The following DYRK1A variants were observed in gnomAD, a reference collection of about 807,000 sequenced individuals.
The protein encoded by DYRK1A is dual specificity tyrosine-phosphorylation-regulated kinase 1A.
DYRK1A carries 9 observed loss-of-function variants against 79.7 expected under a neutral mutation model. The ratio of observed to expected loss-of-function variants is 0.11; its 90% CI spans 0.07 to 0.20. The LOEUF (loss-of-function observed/expected upper bound fraction) is 0.20, where lower values mean the gene tolerates loss of function less well. Among genes scored for constraint, DYRK1A ranks in the 10% least tolerant of loss-of-function variants. The pLI, the probability that DYRK1A is intolerant of heterozygous loss-of-function variation, is 1.00. For synonymous variants in DYRK1A, 349 were observed against 329.7 expected (o/e 1.06, Z -0.63); for missense variants, 622 against 956.0 (o/e 0.65, Z 4.61).
intron 11 of DYRK1A, among the ~76,000 whole-genome samples, chr21:37,511,089 CATTTGAGAG>C (rs2053736536): frequency 6.6e-6 from 1 of 152,068 alleles, no homozygotes; most frequent in Admixed American, 6.5e-5. Context: ...TACACTGAGG[CATTTGAGAG>C]ATTTTGACCC....
intron 2 of DYRK1A, among the ~76,000 whole-genome samples, chr21:37,460,344 C>T (rs2148524630): frequency 6.6e-6 from 1 of 152,244 alleles, no homozygotes; most frequent in South Asian, 2.1e-4. Flanking sequence ...TAGAGAGCTT[C>T]TGCTGTTTTA....
chr21:37,437,746 C>CT (rs1481130470), intron 2 of DYRK1A, among the ~76,000 whole-genome samples: 1 of 152,158 alleles, frequency 6.6e-6, no homozygotes, highest in Non-Finnish European at 1.5e-5. Flanking sequence ...GGTTTATCCA[C>CT]TTACCTGTTG....
Position 37,490,166 on chromosome 21 carries a change from C to T in DYRK1A, c.638-9C>T. The T allele has an allele frequency of 1.2e-6, 2 of 1,606,972 alleles. No homozygotes were observed. The highest frequency in any genetic ancestry group is 1.7e-5 in the Admixed American group (1 of 59,168). On this transcript the variant is annotated splice_polypyrimidine_tract_variant and intron_variant, in intron 6 of 11. Coordinates refer to ENST00000647188, the MANE Select transcript of DYRK1A (RefSeq NM_001347721.2). ...ATATAATTTAAAATGAAACTGTTTT[C>T]TCTTTCAGTGCATTTGAAACGCCAC...
intron 4 of DYRK1A, among the ~76,000 whole-genome samples, chr21:37,479,049 C>T (rs952125766): frequency 9.2e-5 from 14 of 152,310 alleles, no homozygotes; most frequent in African/African-American, 3.4e-4. Flanking sequence ...TTTCTTTCCT[C>T]TTCTAGTGGG....
chr21:37,484,464 G>T (rs2052779095), intron 5 of DYRK1A, among the ~76,000 whole-genome samples: 1 of 151,874 alleles, frequency 6.6e-6, no homozygotes, highest in African/African-American at 2.4e-5. Flanking sequence ...GGGTAGCTGG[G>T]ATTGCAGGTG....
Position 37,468,180 on chromosome 21 carries a change from T to C in DYRK1A, c.11-4504T>C, listed in dbSNP as rs140071174. 9.4e-3 allele frequency among the ~76,000 whole-genome samples: 1,426 copies of C among 152,218 alleles called. 14 individuals carry two copies. Among genetic ancestry groups the C allele is most frequent in the South Asian group, 0.02 (95 of 4,812 alleles). On this transcript the variant is annotated intron_variant, in intron 2 of 11. Transcript: ENST00000647188. ...TGGAGCACATACAGTGGCACAATCA[T>C]AACTCACTGCAGCCTTGAAATCTTG...
intron 2 of DYRK1A, 32 bp downstream of exon 2, chr21:37,420,416 TGGCTAAGAG>T: frequency 6.2e-7 from 1 of 1,608,222 alleles, no homozygotes; most frequent in Non-Finnish European, 8.5e-7. Flanking sequence ...AGTAAAACTC[TGGCTAAGAG>T]AATGTGGGAA....
chr21:37,415,154 T>C (rs190638471), intron 1 of DYRK1A, among the ~76,000 whole-genome samples: 3 of 152,314 alleles, frequency 2.0e-5, no homozygotes, highest in Admixed American at 1.3e-4. Flanking sequence ...CCAGATGTGC[T>C]CTCAGAGATA....
In DYRK1A at chr21:37,518,090, G is replaced by A. The variant is rs1470589778; in HGVS notation, c.*5559G>A. Reference sequence around the variant, plus strand: ...ATACGGGGTTTTGCTGAGTTGCTCAGGCGCTCCTCAAACTGCTGGCCTCAA... The same window carrying A: ...ATACGGGGTTTTGCTGAGTTGCTCAAGCGCTCCTCAAACTGCTGGCCTCAA... On this transcript the variant is annotated 3_prime_UTR_variant, in exon 12 of 12. Coordinates refer to ENST00000647188, the MANE Select transcript of DYRK1A (RefSeq NM_001347721.2). 6.6e-5 allele frequency: 10 copies of A among 152,230 alleles called. No individual in the cohort carries two copies. The highest frequency in any genetic ancestry group is 1.2e-4 in the Non-Finnish European group (8 of 68,090). The allele number at this position is 152,230 out of a possible 1,614,324, so 9.4% of individuals were successfully genotyped here. A position where few individuals can be genotyped will look rare whatever the true frequency, so the allele number is the denominator to read the frequency against.
chr21:37,506,039 A>C, intron 10 of DYRK1A, 60 bp from the exon 11 acceptor site: 1 of 1,553,778 alleles, frequency 6.4e-7, no homozygotes, highest in Non-Finnish European at 8.7e-7. Flanking sequence ...TCAGAGTATA[A>C]ATTTGAACAA....
chr21:37,479,589 GTTTTGT>G (rs1219075281), intron 4 of DYRK1A, among the ~76,000 whole-genome samples: 13 of 74,390 alleles, frequency 1.7e-4, no homozygotes, highest in South Asian at 4.9e-4. Context: ...CAGTGTTGGT[GTTTTGT>G]TTTTGTTTTT....
At chr21:37,414,593 T>G (rs911516205) in intron 1 of DYRK1A, among the ~76,000 whole-genome samples, 7 of 152,180 alleles carry the variant, frequency 4.6e-5, no homozygotes, top group African/African-American at 1.7e-4. Flanking sequence ...TTATAAAAGT[T>G]GGCTTTACAT....
chr21:37,431,039 G>A (rs12482401), intron 2 of DYRK1A, among the ~76,000 whole-genome samples: 11,440 of 151,974 alleles, frequency 0.075, 628 homozygotes, highest in Non-Finnish European at 0.11. Flanking sequence ...GCCTTTTCTT[G>A]CAGAAAACTG....
intron 6 of DYRK1A, 137 bp from the exon 7 acceptor site, chr21:37,490,038 C>A: frequency 1.1e-6 from 1 of 876,318 alleles, no homozygotes; most frequent in Non-Finnish European, 1.7e-6. Flanking sequence ...GCTGTTATTA[C>A]AAAATGCTGA....
chr21:37,412,783 TGTG>T (rs2050267972), intron 1 of DYRK1A, among the ~76,000 whole-genome samples: 1 of 145,420 alleles, frequency 6.9e-6, no homozygotes, highest in Non-Finnish European at 1.5e-5. Context: ...GTGGATAACA[TGTG>T]GTGCAGGAAT....
chr21:37,502,517 C>T (rs2148643191), intron 9 of DYRK1A: 1 of 152,106 alleles, frequency 6.6e-6, no homozygotes, highest in South Asian at 2.1e-4. Flanking sequence ...AGTGTGATAA[C>T]CATGTGATTC....
rs16997968 is a variant in DYRK1A, at chr21:37,455,412, T to A, written c.11-17272T>A. Among the ~76,000 whole-genome samples, 1,382 of 152,324 alleles carry A rather than the reference T, an allele frequency of 9.1e-3. 19 individuals carry two copies. Among genetic ancestry groups the A allele is most frequent in the African/African-American group, 0.032 (1,326 of 41,564 alleles). ...ACTGCTGATATAAATCAAGAAGCAG[T>A]CTTTAAATTTTAAATAATGGTACAT... is the stretch of plus-strand genomic sequence containing the variant. On this transcript the variant is annotated intron_variant, in intron 2 of 11. Coordinates refer to ENST00000647188, the MANE Select transcript of DYRK1A (RefSeq NM_001347721.2).
chr21:37,431,786 A>G (rs913444642), intron 2 of DYRK1A, among the ~76,000 whole-genome samples: 2 of 152,238 alleles, frequency 1.3e-5, no homozygotes, highest in African/African-American at 2.4e-5. Context: ...TGTAGTTTGT[A>G]TAGATGTAGT....
At chr21:37,509,471 G>A (rs891823240) in intron 11 of DYRK1A, among the ~76,000 whole-genome samples, 4 of 152,128 alleles carry the variant, frequency 2.6e-5, no homozygotes, top group African/African-American at 9.7e-5. Flanking sequence ...TTTAGAGCTA[G>A]GGTCTTGCTC....
Sources: allele counts gnomAD v4.1 joint callset (sites outside exome capture counted in the v4.1 genomes callset), GRCh38; gene constraint gnomAD v4.1.1; transcripts MANE v1.5; gene names NCBI Gene and HGNC (gene_info 2026-07-23, HGNC 2026-07-21).